Variants in CDK5RAP2 observed in about 807,000 individuals in gnomAD.
CDK5RAP2 encodes CDK5 regulatory subunit associated protein 2.
CDK5RAP2 carries 147 observed loss-of-function variants against 232.9 expected under a neutral mutation model. The ratio of observed to expected loss-of-function variants is 0.63; its 90% CI spans 0.55 to 0.72. CDK5RAP2 has a LOEUF of 0.72. Among genes scored for constraint, CDK5RAP2 ranks in the 30% least tolerant of loss-of-function variants. CDK5RAP2 has a pLI of 0.00. For synonymous variants in CDK5RAP2, 833 were observed against 833.7 expected, an observed-to-expected ratio of 1.00 and a Z score of 0.01; for missense variants, 2,195 against 2,231.5, an observed-to-expected ratio of 0.98 and a Z score of 0.33.
At chr9:120,528,690 G>C in intron 9 of CDK5RAP2, 54 bp downstream of exon 9, 1 of 1,117,424 alleles carries the variant, frequency 8.9e-7, no homozygotes, top group Non-Finnish European at 1.4e-6. Context: ...AATAAAACAA[G>C]AGGCAAGAAT....
intron 23 of CDK5RAP2, chr9:120,440,311 G>A: frequency 9.1e-6 from 3 of 329,432 alleles, no homozygotes; most frequent in Non-Finnish European, 1.7e-5. Context: ...CCATGATCTA[G>A]TTCCAGGCAA....
chr9:120,533,654 C>G (rs1332207264), intron 7 of CDK5RAP2, among the ~76,000 whole-genome samples: 1 of 151,868 alleles, frequency 6.6e-6, no homozygotes, highest in Admixed American at 6.6e-5. Flanking sequence ...ATTAGCCAGG[C>G]TTTTTTGGTG....
At chr9:120,404,340 G>T (rs1027638629) in intron 32 of CDK5RAP2, among the ~76,000 whole-genome samples, 8 of 152,244 alleles carry the variant, frequency 5.3e-5, no homozygotes, top group Non-Finnish European at 1.2e-4. Flanking sequence ...CAGCAGAAAA[G>T]TAAATAAGCA....
At position 120,563,886 on chromosome 9, in the gene CDK5RAP2, G is replaced by C. The variant is rs552868107; in HGVS notation, c.195+4435C>G. Among the ~76,000 whole-genome samples the C allele has an allele frequency of 2.5e-3, 388 of 152,318 alleles. 3 individuals are homozygous for C. Among genetic ancestry groups the C allele is most frequent in the African/African-American group, 8.9e-3 (370 of 41,554 alleles). On this transcript the variant is annotated intron_variant, in intron 3 of 37. Transcript: ENST00000349780. The stretch of plus-strand genomic sequence containing the variant: ...AAATTTGACCAACTGCCTCGGCTGA[G>C]GCCAAGAATTTTCAACAACAGGAAT...
chr9:120,439,195 G>A (rs2035752458), intron 24 of CDK5RAP2, among the ~76,000 whole-genome samples: 2 of 152,136 alleles, frequency 1.3e-5, no homozygotes, highest in Non-Finnish European at 1.5e-5. Flanking sequence ...ACGTTCAAGT[G>A]CGTGGTCGCT....
At chr9:120,555,926 C>T (rs2132089646) in intron 3 of CDK5RAP2, among the ~76,000 whole-genome samples, 1 of 152,304 alleles carries the variant, frequency 6.6e-6, no homozygotes, top group East Asian at 1.9e-4. Context: ...GCAAAGAAGA[C>T]AGTCTGAAAA....
chr9:120,389,642 T>G, intron 37 of CDK5RAP2, 99 bp downstream of exon 37: 1 of 1,147,522 alleles, frequency 8.7e-7, no homozygotes, highest in South Asian at 1.3e-5. Context: ...ACATGTCCCC[T>G]GGTTCCACCT....
chr9:120,394,476 T>G lies in CDK5RAP2; in HGVS notation c.5578+36A>C, dbSNP rs754002855. 3.7e-6 allele frequency: 6 copies of G among 1,613,724 alleles called. No individual in the cohort carries two copies. The Admixed American group carries it at 1.0e-4, about 27-fold the overall frequency. On this transcript the variant is annotated intron_variant, in intron 36 of 37. Coordinates refer to ENST00000349780, the MANE Select transcript of CDK5RAP2 (RefSeq NM_018249.6). The stretch of plus-strand genomic sequence containing the variant: ...ACTGGGAGCCCTCGGAGGCAGGAAG[T>G]GGTCAGGCATAGCGGCCACCCCCAC...
Position 120,439,897 on chromosome 9 carries a change from G to T in CDK5RAP2, c.3224C>A (p.Pro1075Gln). The change falls in exon 24 of 38, where the codon CCA becomes CAA. Residue 1075 changes from proline (P) to glutamine (Q), a missense_variant. Transcript: ENST00000349780. Reference protein sequence around the residue: ...CKENPEDVLSPTSVATYLSSK... With the variant: ...CKENPEDVLSQTSVATYLSSK... The stretch of plus-strand genomic sequence containing the variant: ...ACTCAGGTAAGTAGCTACTGAAGTT[G>T]GGCTCAGAACATCTTCAGGATTTTC... 6.2e-7 allele frequency: 1 copy of T among 1,614,166 alleles called. No individual in the cohort carries two copies. Among genetic ancestry groups the T allele is most frequent in the Non-Finnish European group, 8.5e-7 (1 of 1,180,024 alleles).
intron 24 of CDK5RAP2, among the ~76,000 whole-genome samples, chr9:120,439,033 G>C (rs1033940753): frequency 1.2e-4 from 18 of 152,122 alleles, no homozygotes; most frequent in Non-Finnish European, 2.9e-5. Flanking sequence ...CACAGCAAAA[G>C]CCAGTAACAG....
intron 15 of CDK5RAP2, among the ~76,000 whole-genome samples, chr9:120,472,386 C>T (rs1316554005): frequency 6.6e-6 from 1 of 152,080 alleles, no homozygotes; most frequent in African/African-American, 2.4e-5. Context: ...AACAATGCCC[C>T]AAGAGGGCTT....
intron 25 of CDK5RAP2, among the ~76,000 whole-genome samples, chr9:120,428,358 A>G (rs1188449348): frequency 1.3e-5 from 2 of 152,232 alleles, no homozygotes; most frequent in African/African-American, 2.4e-5. Flanking sequence ...ATAGACCGCT[A>G]GCAAGACTAA....
Position 120,525,599 on chromosome 9 carries a change from C to G in CDK5RAP2, c.1000-521G>C, listed in dbSNP as rs73660272. On this transcript the variant is annotated intron_variant, in intron 10 of 37. Transcript: ENST00000349780. ...ATCTCGGTTGGACCTAGAACTCCCCCACATGTGATACAATGTTGACTTTTT... is the reference window on the plus strand; with the variant it reads ...ATCTCGGTTGGACCTAGAACTCCCCGACATGTGATACAATGTTGACTTTTT... Among the ~76,000 whole-genome samples the G allele has an allele frequency of 1.8e-4, 27 of 152,060 alleles. No individual in the cohort carries two copies. In the East Asian group the frequency reaches 2.3e-3, roughly 13 times the overall value.
chr9:120,544,736 T>C (rs1196534917), intron 5 of CDK5RAP2, among the ~76,000 whole-genome samples: 3 of 152,260 alleles, frequency 2.0e-5, no homozygotes, highest in East Asian at 3.8e-4. Context: ...CTTATTCCAC[T>C]GTCACAGAAC....
At chr9:120,409,073 A>G in intron 30 of CDK5RAP2, 54 bp downstream of exon 30, 2 of 1,531,894 alleles carry the variant, frequency 1.3e-6, no homozygotes, top group Non-Finnish European at 1.8e-6. Context: ...ACTGCAGCCC[A>G]GTGCCTGCAT....
intron 12 of CDK5RAP2, among the ~76,000 whole-genome samples, chr9:120,497,442 A>AAAAAAAAAAAAAAAAAAC (rs2039356929): frequency 1.1e-5 from 1 of 88,806 alleles, no homozygotes; most frequent in Non-Finnish European, 2.0e-5. Context: ...AAAAAAAAAA[A>AAAAAAAAAAAAAAAAAAC]AAAAAAAAAA....
At chr9:120,419,009 G>GT (rs1397213591) in intron 27 of CDK5RAP2, among the ~76,000 whole-genome samples, 3 of 152,222 alleles carry the variant, frequency 2.0e-5, no homozygotes, top group Non-Finnish European at 4.4e-5. Flanking sequence ...TAAGTCCAAT[G>GT]TAATGGTATT....
chr9:120,575,056 T>C (rs2042983366), intron 1 of CDK5RAP2, among the ~76,000 whole-genome samples: 1 of 151,894 alleles, frequency 6.6e-6, no homozygotes, highest in Non-Finnish European at 1.5e-5. Flanking sequence ...GACTGTTTTG[T>C]TTTGTTTTGG....
intron 28 of CDK5RAP2, among the ~76,000 whole-genome samples, chr9:120,411,729 TGA>T (rs1207377767): frequency 6.6e-6 from 1 of 151,968 alleles, no homozygotes; most frequent in Non-Finnish European, 1.5e-5. Flanking sequence ...GATGAGTGAG[TGA>T]GAGTCTTCAC....
Sources: gnomAD v4.1 joint callset for allele counts (sites outside exome capture counted in the v4.1 genomes callset) on GRCh38, gnomAD v4.1.1 for gene constraint, MANE v1.5 for transcripts, NCBI Gene and HGNC (gene_info 2026-07-23, HGNC 2026-07-21) for gene names.